APBA2: variants seen among roughly 807,000 people sequenced by gnomAD.
APBA2 encodes amyloid-beta A4 precursor protein-binding family A member 2.
In APBA2, 30 loss-of-function variants were observed where a neutral mutation model predicts 75.0. The observed-to-expected ratio is 0.40, with a 90% CI of 0.30 to 0.54. The LOEUF (loss-of-function observed/expected upper bound fraction) is 0.54, where lower values mean the gene tolerates loss of function less well. Among genes scored for constraint, APBA2 ranks in the 20% least tolerant of loss-of-function variants. The probability of loss-of-function intolerance (pLI) is 0.49; values close to 1 mark genes in which losing one functional copy is unlikely to be tolerated. For synonymous variants in APBA2, 444 were observed against 409.6 expected (o/e 1.08, Z -1.01); for missense variants, 801 against 1,016.1 (o/e 0.79, Z 2.88).
At chr15:29,029,041 G>C (rs2040360591) in intron 3 of APBA2, among the ~76,000 whole-genome samples, 1 of 152,152 alleles carries the variant, frequency 6.6e-6, no homozygotes, top group African/African-American at 2.4e-5. Flanking sequence ...TTTTGCTTTT[G>C]ATGCAGTTGC....
At chr15:28,913,954 C>T (rs575998844) in intron 1 of APBA2, among the ~76,000 whole-genome samples, 9 of 152,274 alleles carry the variant, frequency 5.9e-5, no homozygotes, top group African/African-American at 2.2e-4. Context: ...GGTACACTCA[C>T]GCACACCCCT....
At chr15:29,079,814 T>C (rs934332857) in intron 6 of APBA2, among the ~76,000 whole-genome samples, 2 of 152,174 alleles carry the variant, frequency 1.3e-5, no homozygotes, top group African/African-American at 4.8e-5. Flanking sequence ...AGATAATTGT[T>C]GATAATAATG....
At chr15:28,999,874 G>A (rs755496974) in intron 3 of APBA2, among the ~76,000 whole-genome samples, 1 of 152,318 alleles carries the variant, frequency 6.6e-6, no homozygotes, top group South Asian at 2.1e-4. Flanking sequence ...AGCCAGTATT[G>A]TAGTGCAAAG....
At chr15:28,963,681 T>C (rs1307498575) in intron 2 of APBA2, among the ~76,000 whole-genome samples, 1 of 152,210 alleles carries the variant, frequency 6.6e-6, no homozygotes, top group Non-Finnish European at 1.5e-5. Flanking sequence ...TGGGGGGAGT[T>C]GATATACTCT....
At chr15:28,942,268 A>G (rs2035276148) in intron 2 of APBA2, among the ~76,000 whole-genome samples, 1 of 152,064 alleles carries the variant, frequency 6.6e-6, no homozygotes, top group Non-Finnish European at 1.5e-5. Flanking sequence ...TTCCTGCAGC[A>G]CTCGCAGCTC....
intron 3 of APBA2, among the ~76,000 whole-genome samples, chr15:29,031,169 C>A (rs1394701148): frequency 1.3e-5 from 2 of 152,102 alleles, no homozygotes; most frequent in African/African-American, 4.8e-5. Flanking sequence ...TCAGAAGAGA[C>A]TAAGCAACTC....
chr15:29,104,647 G>C (rs992617645), intron 10 of APBA2, among the ~76,000 whole-genome samples: 2 of 152,250 alleles, frequency 1.3e-5, no homozygotes, highest in Admixed American at 6.5e-5. Context: ...ATCCCTAGAA[G>C]AGCAGCCAGG....
At chr15:29,074,869 CT>C (rs1299881213) in intron 4 of APBA2, 51 bp from the exon 5 acceptor site, 12 of 1,562,348 alleles carry the variant, frequency 7.7e-6, no homozygotes, top group African/African-American at 1.4e-5. Flanking sequence ...GGTTTTGCAT[CT>C]TGCATTTCTC....
At chr15:29,058,263 C>T (rs367811150) in intron 4 of APBA2, among the ~76,000 whole-genome samples, 4 of 152,214 alleles carry the variant, frequency 2.6e-5, no homozygotes, top group African/African-American at 9.6e-5. Context: ...GTAATCCCAG[C>T]ACTTTGGGAG....
intron 3 of APBA2, among the ~76,000 whole-genome samples, chr15:29,005,213 A>G (rs1353882098): frequency 6.6e-6 from 1 of 152,012 alleles, no homozygotes; most frequent in African/African-American, 2.4e-5. Context: ...AGACTGCTTG[A>G]TCTCTCTAAG....
intron 1 of APBA2, among the ~76,000 whole-genome samples, chr15:28,905,701 G>C (rs1188094680): frequency 1.3e-5 from 2 of 152,090 alleles, no homozygotes; most frequent in African/African-American, 4.8e-5. Flanking sequence ...TGATATCTCT[G>C]TTTTAAAAAT....
chr15:29,107,236 G>A (rs892071121), intron 12 of APBA2, among the ~76,000 whole-genome samples: 1 of 152,192 alleles, frequency 6.6e-6, no homozygotes, highest in Non-Finnish European at 1.5e-5. Context: ...CATGGGTTGG[G>A]TTCTGGGACG....
chr15:29,107,115 A>AG (rs2152972875), intron 12 of APBA2, among the ~76,000 whole-genome samples: 1 of 152,316 alleles, frequency 6.6e-6, no homozygotes, highest in East Asian at 1.9e-4. Flanking sequence ...CAGTGAGTAT[A>AG]GGGTGACCAG....
chr15:28,900,672 C>T (rs1234032246), intron 1 of APBA2, among the ~76,000 whole-genome samples: 2 of 152,176 alleles, frequency 1.3e-5, no homozygotes, highest in African/African-American at 2.4e-5. Flanking sequence ...CGCTTCCCTG[C>T]GTTTTGAGCC....
chr15:28,908,460 G>A (rs1318401776), intron 1 of APBA2, among the ~76,000 whole-genome samples: 6 of 151,914 alleles, frequency 3.9e-5, no homozygotes, highest in South Asian at 2.1e-4. Flanking sequence ...ACAGGCGCCC[G>A]CCACCATGCC....
At chr15:28,901,715 G>C (rs1028627840) in intron 1 of APBA2, among the ~76,000 whole-genome samples, 1 of 152,112 alleles carries the variant, frequency 6.6e-6, no homozygotes, top group Non-Finnish European at 1.5e-5. Flanking sequence ...GATTGATGTG[G>C]GAGCTGGACT....
intron 2 of APBA2, among the ~76,000 whole-genome samples, chr15:28,980,465 A>G (rs760686750): frequency 6.6e-6 from 1 of 152,212 alleles, no homozygotes; most frequent in Non-Finnish European, 1.5e-5. Context: ...CAAATCAGGA[A>G]CACAATCCCA....
intron 2 of APBA2, among the ~76,000 whole-genome samples, chr15:28,984,673 A>ATCCTG (rs2037804783): frequency 2.0e-5 from 3 of 149,240 alleles, no homozygotes; most frequent in Admixed American, 6.6e-5. Flanking sequence ...GAGCTGCTGT[A>ATCCTG]TATCTCTCTC....
At position 29,076,237 on chromosome 15, in the gene APBA2, A is replaced by G; in HGVS notation, c.1069+146A>G. 3.3e-6 allele frequency: 3 copies of G among 896,268 alleles called. No homozygotes were observed. In the South Asian group the frequency reaches 4.0e-5, roughly 12 times the overall value. 55.5% of individuals were successfully genotyped at this position (896,268 alleles called of 1,614,324 possible). On this transcript the variant is annotated intron_variant, in intron 6 of 14. Transcript: ENST00000683413. The stretch of plus-strand genomic sequence containing the variant: ...AAGGTGCTTGGCCATTGTCTGTTTG[A>G]ACACTGTGTAGCCCCACTTAGTGGG...
Sources: allele counts gnomAD v4.1 joint callset (sites outside exome capture counted in the v4.1 genomes callset), GRCh38; gene constraint gnomAD v4.1.1; transcripts MANE v1.5; gene names NCBI Gene and HGNC (gene_info 2026-07-23, HGNC 2026-07-21).